IFIT3: variants seen among roughly 807,000 people sequenced by gnomAD.
IFIT3 encodes the protein interferon-induced protein with tetratricopeptide repeats 3.
A neutral mutation model predicts 2.4 loss-of-function variants in IFIT3; 2 were observed. That is an observed-to-expected ratio of 0.82 (90% CI 0.34 to 2.60). The LOEUF (loss-of-function observed/expected upper bound fraction) is 2.60, where lower values mean the gene tolerates loss of function less well. IFIT3 is among the 30% of genes most tolerant of loss of function. The pLI is 0.11. For synonymous variants in IFIT3, 203 were observed against 212.1 expected (o/e 0.96, Z 0.37); for missense variants, 481 against 562.4 (o/e 0.86, Z 1.46).
Position 89,340,178 on chromosome 10 carries a change from G to A in IFIT3, c.*50G>A, listed in dbSNP as rs150477817. 563 of 1,517,326 alleles carry A rather than the reference G, an allele frequency of 3.7e-4. No individual in the cohort carries two copies. Among genetic ancestry groups the A allele is most frequent in the Middle Eastern group, 4.7e-4 (2 of 4,230 alleles). 94.0% of individuals were successfully genotyped at this position (1,517,326 alleles called of 1,614,324 possible). On this transcript the variant is annotated 3_prime_UTR_variant, in exon 2 of 2. Coordinates refer to ENST00000371818, the MANE Select transcript of IFIT3 (RefSeq NM_001549.6). Reference sequence around the variant, plus strand: ...AGAAGCCTGCAGTGGTGGTTGTGACGGGTAGGACGATAGGAAGACAGGGGG... The same window carrying A: ...AGAAGCCTGCAGTGGTGGTTGTGACAGGTAGGACGATAGGAAGACAGGGGG...
intron 1 of IFIT3, chr10:89,332,540 T>C: frequency 6.2e-7 from 1 of 1,613,370 alleles, no homozygotes; most frequent in Admixed American, 1.7e-5. Context: ...TGGAAACCTC[T>C]TCAGCATTTG....
intron 1 of IFIT3, chr10:89,332,430 TTC>T (rs1843663814): frequency 7.3e-7 from 1 of 1,369,536 alleles, no homozygotes; most frequent in Admixed American, 2.9e-5. Context: ...TTCTCACAGA[TTC>T]TGTTTCAGTT....
chr10:89,340,375 A>G lies in IFIT3; in HGVS notation c.*247A>G, dbSNP rs752434021. The G allele has an allele frequency of 6.3e-5, 19 of 303,222 alleles. No individual in the cohort carries two copies. The highest frequency in any genetic ancestry group is 9.9e-5 in the Non-Finnish European group (16 of 162,106). 18.8% of individuals were successfully genotyped at this position (303,222 alleles called of 1,614,324 possible). The stretch of plus-strand genomic sequence containing the variant: ...AGTTTGAGACCATCCTGGCTAACAC[A>G]GTGAAATCCCGTCTCTACTAAAAAT... On this transcript the variant is annotated 3_prime_UTR_variant, in exon 2 of 2. Coordinates refer to ENST00000371818, the MANE Select transcript of IFIT3 (RefSeq NM_001549.6).
At chr10:89,334,454 G>A (rs903575807) in intron 1 of IFIT3, among the ~76,000 whole-genome samples, 1 of 79,726 alleles carries the variant, frequency 1.3e-5, no homozygotes, top group African/African-American at 4.3e-5. Context: ...TAGCTATTCT[G>A]TTTTTTCTTC....
chr10:89,340,197 CA>C lies in IFIT3; in HGVS notation c.*70del. The C allele has an allele frequency of 6.7e-7, 1 of 1,481,704 alleles. No homozygotes were observed. The highest frequency in any genetic ancestry group is 2.3e-5 in the East Asian group (1 of 43,232). 91.8% of individuals were successfully genotyped at this position (1,481,704 alleles called of 1,614,324 possible). A position where few individuals can be genotyped will look rare whatever the true frequency, so the allele number is the denominator to read the frequency against. ...TGTGACGGGTAGGACGATAGGAAGA[CA>C]GGGGGCCCCAACCTGGGATTGCTGA... On this transcript the variant is annotated 3_prime_UTR_variant, in exon 2 of 2. Transcript: ENST00000371818.
intron 1 of IFIT3, chr10:89,338,427 TCAA>T (rs1843782810): frequency 4.1e-6 from 2 of 491,354 alleles, no homozygotes; most frequent in Non-Finnish European, 7.3e-6. Flanking sequence ...ATTAAGGCCC[TCAA>T]CAGAATGGAT....
chr10:89,338,144 A>C (rs7902380), intron 1 of IFIT3: 8,529 of 154,124 alleles, frequency 0.055, 659 homozygotes, highest in African/African-American at 0.18. Flanking sequence ...CCCCATCATA[A>C]GTCAAGGAAC....
intron 1 of IFIT3, among the ~76,000 whole-genome samples, chr10:89,331,215 C>A (rs1252238451): frequency 6.6e-6 from 1 of 152,188 alleles, no homozygotes; most frequent in Non-Finnish European, 1.5e-5. Flanking sequence ...CTCTGTCACC[C>A]AGGCTGGAGT....
At chr10:89,329,305 T>C (rs980326684) in intron 1 of IFIT3, among the ~76,000 whole-genome samples, 2 of 152,186 alleles carry the variant, frequency 1.3e-5, no homozygotes, top group Non-Finnish European at 2.9e-5. Context: ...TAGAATACCC[T>C]TTTATATAGA....
chr10:89,333,963 G>A (rs1023608189), intron 1 of IFIT3, among the ~76,000 whole-genome samples: 2 of 152,234 alleles, frequency 1.3e-5, no homozygotes, highest in African/African-American at 4.8e-5. Flanking sequence ...CTGAAGTGAT[G>A]GACTCCTTGG....
chr10:89,329,652 T>G (rs1350361152), intron 1 of IFIT3, among the ~76,000 whole-genome samples: 1 of 152,212 alleles, frequency 6.6e-6, no homozygotes, highest in Non-Finnish European at 1.5e-5. Context: ...CCCCATCCAC[T>G]GAGGAACTCT....
At chr10:89,331,588 A>G (rs1238602189) in intron 1 of IFIT3, among the ~76,000 whole-genome samples, 1 of 152,188 alleles carries the variant, frequency 6.6e-6, no homozygotes. Flanking sequence ...GGCTGGCCGC[A>G]GTGGCTCACA....
At position 89,328,086 on chromosome 10, in the gene IFIT3, A is replaced by T. The variant is rs1386237972; in HGVS notation, c.5+8A>T. 1 of 1,613,802 alleles carries T rather than the reference A, an allele frequency of 6.2e-7. No individual in the cohort carries two copies. Among genetic ancestry groups the T allele is most frequent in the Non-Finnish European group, 8.5e-7 (1 of 1,179,696 alleles). On this transcript the variant is annotated splice_region_variant and intron_variant, in intron 1 of 1. Coordinates refer to ENST00000371818, the MANE Select transcript of IFIT3 (RefSeq NM_001549.6). ...ACAGAGGGCAGTCATGAGGTCAGTG[A>T]AATAAGAATGCATAATCATGCTTGT...
Position 89,339,697 on chromosome 10 carries a change from T to A in IFIT3, c.1042T>A (p.Phe348Ile). 6.2e-7 allele frequency: 1 copy of A among 1,614,140 alleles called. No homozygotes were observed. Among genetic ancestry groups the A allele is most frequent in the Non-Finnish European group, 8.5e-7 (1 of 1,180,014 alleles). ...GGAGACGGAATGTTATCAGACACCA[T>A]TCAATAAGGAAGTCCCTGATGCTGA... ...FLETECYQTPFNKEVPDAEKQ... is the reference protein window; with the variant it reads ...FLETECYQTPINKEVPDAEKQ... The change falls in exon 2 of 2, where the codon TTC becomes ATC. Residue 348 changes from phenylalanine (F) to isoleucine (I), a missense_variant. By Grantham distance (21) the Phe-to-Ile change is conservative. Coordinates refer to ENST00000371818, the MANE Select transcript of IFIT3 (RefSeq NM_001549.6).
At chr10:89,338,047 T>C (rs1292036130) in intron 1 of IFIT3, 1 of 152,382 alleles carries the variant, frequency 6.6e-6, no homozygotes, top group Non-Finnish European at 1.5e-5. Flanking sequence ...ACATTTAAGC[T>C]AGGCTAAGCT....
intron 1 of IFIT3, among the ~76,000 whole-genome samples, chr10:89,333,302 G>A (rs968005823): frequency 1.1e-4 from 17 of 152,116 alleles, no homozygotes; most frequent in Non-Finnish European, 1.8e-4. Flanking sequence ...AAATTTCTAG[G>A]TCCTGCATTC....
At chr10:89,337,740 T>C (rs1843767340) in intron 1 of IFIT3, among the ~76,000 whole-genome samples, 1 of 152,210 alleles carries the variant, frequency 6.6e-6, no homozygotes, top group Non-Finnish European at 1.5e-5. Context: ...TCATTTCCTG[T>C]CACTGAAGCT....
At position 89,338,989 on chromosome 10, in the gene IFIT3, G is replaced by C. The variant is rs773224626; in HGVS notation, c.334G>C (p.Asp112His). 34 of 1,614,064 alleles carry C rather than the reference G, an allele frequency of 2.1e-5. No homozygotes were observed. The highest frequency in any genetic ancestry group is 1.8e-5 in the Non-Finnish European group (21 of 1,180,032). The change falls in exon 2 of 2, where the codon GAT becomes CAT. Residue 112 changes from aspartate to histidine, a missense_variant. By Grantham distance (81) the Asp-to-His change is moderately conservative (BLOSUM62 -1). Coordinates refer to ENST00000371818, the MANE Select transcript of IFIT3 (RefSeq NM_001549.6). ...WVYYHLGRLS[D>H]AQIYVDKVKQ... Reference sequence around the variant, plus strand: ...CTACTATCACTTGGGCAGACTCTCAGATGCTCAGATTTATGTAGATAAGGT... The same window carrying C: ...CTACTATCACTTGGGCAGACTCTCACATGCTCAGATTTATGTAGATAAGGT...
chr10:89,340,020 T>C lies in IFIT3; in HGVS notation c.1365T>C (p.Ser455=). The C allele has an allele frequency of 6.2e-7, 1 of 1,614,212 alleles. No individual in the cohort carries two copies. The highest frequency in any genetic ancestry group is 8.5e-7 in the Non-Finnish European group (1 of 1,180,026). The change falls in exon 2 of 2, where the codon AGT becomes AGC. Residue 455 remains serine, a synonymous_variant. Coordinates refer to ENST00000371818, the MANE Select transcript of IFIT3 (RefSeq NM_001549.6). ...LLRDAPSGIG[S]IFLSASELED... is the part of the protein sequence containing the mutation. Reference sequence around the variant, plus strand: ...GGGATGCCCCTTCAGGCATAGGCAGTATTTTCCTGTCAGCATCTGAGCTTG... The same window carrying C: ...GGGATGCCCCTTCAGGCATAGGCAGCATTTTCCTGTCAGCATCTGAGCTTG...
Sources: allele counts gnomAD v4.1 joint callset (sites outside exome capture counted in the v4.1 genomes callset), GRCh38; gene constraint gnomAD v4.1.1; transcripts MANE v1.5; gene names NCBI Gene and HGNC (gene_info 2026-07-23, HGNC 2026-07-21).